MYLK4: variants seen among roughly 807,000 people sequenced by gnomAD.
The protein encoded by MYLK4 is myosin light chain kinase family member 4, also known as caMLCK like.
Under a neutral mutation model 48.1 loss-of-function variants are expected in MYLK4, and 46 were observed. That is an observed-to-expected ratio of 0.96 (90% confidence interval 0.75 to 1.22). The LOEUF is 1.22. Ranked by LOEUF, MYLK4 falls within the 50% of genes most tolerant of loss-of-function variation. The pLI is 0.00. For synonymous variants in MYLK4, 170 were observed against 180.8 expected (o/e 0.94, Z 0.48); for missense variants, 451 against 486.1 (o/e 0.93, Z 0.68).
intron 2 of MYLK4, among the ~76,000 whole-genome samples, chr6:2,696,322 G>A (rs189778029): frequency 7.9e-5 from 12 of 152,266 alleles, no homozygotes; most frequent in Admixed American, 7.8e-4. Context: ...ATTCCTTATG[G>A]ATTGAATGTA....
At chr6:2,678,092 A>T in intron 10 of MYLK4, 128 bp downstream of exon 10, 1 of 1,208,362 alleles carries the variant, frequency 8.3e-7, no homozygotes, top group East Asian at 2.4e-5. Context: ...CTCAAACCTC[A>T]TTCTATCCAT....
intron 2 of MYLK4, among the ~76,000 whole-genome samples, chr6:2,713,374 C>CA (rs1224201871): frequency 3.7e-4 from 17 of 45,776 alleles, no homozygotes; most frequent in East Asian, 9.1e-4. Context: ...AACTCCGTCT[C>CA]AAAAAAAAAA....
rs151300027 is a variant in MYLK4 at position 2,678,328 on chromosome 6, G to A, written c.932C>T (p.Thr311Met). 194 of 1,613,978 alleles carry A rather than the reference G, an allele frequency of 1.2e-4. 1 individual carries two copies. In the Middle Eastern group the frequency reaches 1.7e-3, roughly 14 times the overall value. The change falls in exon 10 of 13, where the codon ACG becomes ATG. Residue 311 changes from threonine to methionine, a missense_variant. By Grantham distance (81) the Thr-to-Met change is moderately conservative. Transcript: ENST00000274643. ...CCTGCAGGCCAGGATGTTGTTCAGCGTCTCAGCATCATTGTCACCCAGGAA... is the reference window on the plus strand; with the variant it reads ...CCTGCAGGCCAGGATGTTGTTCAGCATCTCAGCATCATTGTCACCCAGGAA... ...SPFLGDNDAE[T>M]LNNILACRWD... is the part of the protein sequence containing the mutation.
the MYLK4 span, among the ~76,000 whole-genome samples, chr6:2,760,690 A>C: frequency 6.6e-6 from 1 of 152,224 alleles, no homozygotes; most frequent in Admixed American, 6.5e-5. Flanking sequence ...CCTAAAACTA[A>C]TAAGAGTTCA....
At chr6:2,699,702 T>C (rs1762219215) in intron 2 of MYLK4, among the ~76,000 whole-genome samples, 1 of 152,178 alleles carries the variant, frequency 6.6e-6, no homozygotes, top group African/African-American at 2.4e-5. Context: ...AAACTTTTTA[T>C]AAATATACTT....
rs1265244999 is a variant in MYLK4 at position 2,737,988 on chromosome 6, G to C, written c.159+11148C>G. 3.5e-5 allele frequency among the ~76,000 whole-genome samples: 4 copies of C among 113,638 alleles called. 1 individual carries two copies. Among genetic ancestry groups the C allele is most frequent in the African/African-American group, 1.3e-4 (4 of 29,992 alleles). The allele number at this position is 113,638 out of a possible 152,430, so 74.6% of individuals were successfully genotyped here. A position where few individuals can be genotyped will look rare whatever the true frequency, so the allele number is the denominator to read the frequency against. On this transcript the variant is annotated intron_variant, in intron 2 of 12. Transcript: ENST00000274643. Reference sequence around the variant, plus strand: ...TGGGGTGCCGGGGGCGGGTGGGGGGGGGGTGGTCAATGTTATTAACCCCAG... The same window carrying C: ...TGGGGTGCCGGGGGCGGGTGGGGGGCGGGTGGTCAATGTTATTAACCCCAG...
the MYLK4 span, chr6:2,766,355 G>C: frequency 6.2e-7 from 1 of 1,610,440 alleles, no homozygotes; most frequent in African/African-American, 1.3e-5. Flanking sequence ...GCAGAGCAAG[G>C]CCGTGGGCCA....
upstream of MYLK4, among the ~76,000 whole-genome samples, chr6:2,754,067 C>A: frequency 6.7e-6 from 1 of 150,308 alleles, no homozygotes; most frequent in East Asian, 1.9e-4. Flanking sequence ...GAACCCTCAC[C>A]AAATATGTTG....
intron 2 of MYLK4, among the ~76,000 whole-genome samples, chr6:2,726,021 T>A (rs1252186607): frequency 1.3e-5 from 2 of 152,334 alleles, no homozygotes; most frequent in East Asian, 3.9e-4. Flanking sequence ...TCTCTTATCT[T>A]TAAGACAGAC....
At chr6:2,762,966 A>G in the MYLK4 span, among the ~76,000 whole-genome samples, 1 of 152,126 alleles carries the variant, frequency 6.6e-6, no homozygotes, top group Admixed American at 6.5e-5. Flanking sequence ...CAGCTAATGC[A>G]AAAAATAAAA....
chr6:2,741,607 T>C (rs558661409), intron 2 of MYLK4, among the ~76,000 whole-genome samples: 2 of 152,322 alleles, frequency 1.3e-5, no homozygotes, highest in Admixed American at 6.5e-5. Context: ...TAGGATTCAC[T>C]GATACCTCTA....
At chr6:2,768,577 C>T in the MYLK4 span, 2 of 779,196 alleles carry the variant, frequency 2.6e-6, no homozygotes, top group East Asian at 5.7e-5. Context: ...CAGCATTCTT[C>T]CGAGGTCAAG....
At chr6:2,759,954 C>G in the MYLK4 span, among the ~76,000 whole-genome samples, 1 of 152,156 alleles carries the variant, frequency 6.6e-6, no homozygotes. Flanking sequence ...TGTTCTGCAC[C>G]TTCTCATCCA....
At chr6:2,733,720 A>G (rs1763558634) in intron 2 of MYLK4, among the ~76,000 whole-genome samples, 1 of 152,166 alleles carries the variant, frequency 6.6e-6, no homozygotes, top group African/African-American at 2.4e-5. Flanking sequence ...GTGAGTTTAG[A>G]AGGATGAAGG....
chr6:2,710,166 T>C (rs543543358), intron 2 of MYLK4, among the ~76,000 whole-genome samples: 5 of 152,308 alleles, frequency 3.3e-5, no homozygotes, highest in South Asian at 2.1e-4. Flanking sequence ...TTTTCTGACA[T>C]TGAATGCTGC....
the MYLK4 span, among the ~76,000 whole-genome samples, chr6:2,758,602 C>A: frequency 6.6e-6 from 1 of 152,100 alleles, no homozygotes; most frequent in Non-Finnish European, 1.5e-5. Flanking sequence ...TTGTCCTTCC[C>A]AAGCTAACCA....
At chr6:2,764,641 T>C in the MYLK4 span, among the ~76,000 whole-genome samples, 5 of 152,198 alleles carry the variant, frequency 3.3e-5, no homozygotes, top group Non-Finnish European at 5.9e-5. Context: ...TCCATTTCTA[T>C]CCGTCTAGGA....
At chr6:2,763,760 G>A in the MYLK4 span, among the ~76,000 whole-genome samples, 9 of 152,232 alleles carry the variant, frequency 5.9e-5, no homozygotes, top group African/African-American at 2.2e-4. Flanking sequence ...CGGCCGGAGT[G>A]GACGCCAAGG....
At chr6:2,765,305 G>C in the MYLK4 span, 1 of 196,788 alleles carries the variant, frequency 5.1e-6, no homozygotes. Flanking sequence ...AGGTATTCTC[G>C]GCGGTGATTG....
Sources: gnomAD v4.1 joint callset for allele counts (sites outside exome capture counted in the v4.1 genomes callset) on GRCh38, gnomAD v4.1.1 for gene constraint, MANE v1.5 for transcripts, NCBI Gene and HGNC (gene_info 2026-07-23, HGNC 2026-07-21) for gene names.